The following NTRK2 variants were observed in gnomAD, a reference collection of about 807,000 sequenced individuals.
NTRK2 encodes the protein neurotrophic receptor tyrosine kinase 2.
In NTRK2, 13 loss-of-function variants were observed where a neutral mutation model predicts 94.5. The ratio of observed to expected loss-of-function variants is 0.14; its 90% CI spans 0.09 to 0.22. The LOEUF (loss-of-function observed/expected upper bound fraction) is 0.22, where lower values mean the gene tolerates loss of function less well. NTRK2 is among the 10% of genes least tolerant of loss of function. The probability of loss-of-function intolerance (pLI) is 1.00; values close to 1 mark genes in which losing one functional copy is unlikely to be tolerated. For synonymous variants in NTRK2, 372 were observed against 407.4 expected (o/e 0.91, Z 1.05); for missense variants, 639 against 1,071.2 (o/e 0.60, Z 5.63).
chr9:84,699,506 C>T (rs2060589122), intron 2 of NTRK2, among the ~76,000 whole-genome samples: 2 of 152,140 alleles, frequency 1.3e-5, no homozygotes, highest in Admixed American at 1.3e-4. Context: ...AGCAAAATTT[C>T]CTGTCTGGTC....
At chr9:84,876,765 C>G in intron 14 of NTRK2, 1 of 1,061,298 alleles carries the variant, frequency 9.4e-7, no homozygotes, top group Non-Finnish European at 1.1e-6. Context: ...AAACAATTAT[C>G]AATACATGTA....
chr9:84,768,656 C>T (rs17327132), intron 12 of NTRK2, among the ~76,000 whole-genome samples: 3,945 of 152,172 alleles, frequency 0.026, 75 homozygotes, highest in Admixed American at 0.046. Flanking sequence ...TTTGTTTTGA[C>T]GTATCTGGTT....
rs55923826 is a variant in NTRK2, at chr9:84,821,815, T to TAGAGAGAG, written c.1397-39195_1397-39188dup. Reference sequence around the variant, plus strand: ...CCCTCTTAGCAGAGAGGGAGAGAAGTAGAGAGAGAGAGAGAGAGAGAGAGA... The same window carrying TAGAGAGAG: ...CCCTCTTAGCAGAGAGGGAGAGAAGTAGAGAGAGAGAGAGAGAGAGAGAGAGAGAGAGA... On this transcript the variant is annotated intron_variant, in intron 12 of 18. Transcript: ENST00000277120. Among the ~76,000 whole-genome samples, 639 of 147,446 alleles carry TAGAGAGAG rather than the reference T, an allele frequency of 4.3e-3. 7 individuals carry two copies. Among genetic ancestry groups the TAGAGAGAG allele is most frequent in the Admixed American group, 0.01 (154 of 14,830 alleles).
intron 12 of NTRK2, among the ~76,000 whole-genome samples, chr9:84,810,019 T>C (rs2071592591): frequency 6.6e-6 from 1 of 152,172 alleles, no homozygotes; most frequent in Non-Finnish European, 1.5e-5. Context: ...AAAGATTTGC[T>C]AAAATTAGCT....
At chr9:84,737,335 AG>A (rs1289777262) in intron 9 of NTRK2, among the ~76,000 whole-genome samples, 29 of 152,208 alleles carry the variant, frequency 1.9e-4, no homozygotes, top group African/African-American at 7.0e-4. Context: ...AATGTCATAA[AG>A]ATGTTTTCTC....
intron 15 of NTRK2, among the ~76,000 whole-genome samples, chr9:84,943,600 C>A (rs1447060233): frequency 6.6e-6 from 1 of 152,098 alleles, no homozygotes; most frequent in Admixed American, 6.5e-5. Flanking sequence ...AAGAAAATAG[C>A]AATGCTCAGT....
At chr9:84,712,922 T>C (rs748106053) in intron 6 of NTRK2, among the ~76,000 whole-genome samples, 1 of 152,160 alleles carries the variant, frequency 6.6e-6, no homozygotes, top group Non-Finnish European at 1.5e-5. Flanking sequence ...TGCAAAAATG[T>C]TTCAGCAAGC....
At chr9:84,807,296 A>G (rs2071235411) in intron 12 of NTRK2, among the ~76,000 whole-genome samples, 1 of 152,210 alleles carries the variant, frequency 6.6e-6, no homozygotes, top group Non-Finnish European at 1.5e-5. Flanking sequence ...GCTGACCTTC[A>G]ACTCCCTTCC....
In NTRK2 at chr9:84,675,324, C is replaced by CTTTTTTTTTTTTTTTTT. The variant is rs536445167; in HGVS notation, c.212+4375_212+4391dup. ...CTCTTCTCCTTTCTTTCTTTCTTTC[C>CTTTTTTTTTTTTTTTTT]TTTTTTTTTTTTTTTTTTTTTTTTT... is the stretch of plus-strand genomic sequence containing the variant. On this transcript the variant is annotated intron_variant, in intron 2 of 18. Transcript: ENST00000277120. Among the ~76,000 whole-genome samples the CTTTTTTTTTTTTTTTTT allele has an allele frequency of 5.8e-4, 39 of 67,322 alleles. 3 individuals are homozygous for CTTTTTTTTTTTTTTTTT. Among genetic ancestry groups the CTTTTTTTTTTTTTTTTT allele is most frequent in the African/African-American group, 5.4e-4 (9 of 16,514 alleles). The allele number at this position is 67,322 out of a possible 152,430, so 44.2% of individuals were successfully genotyped here.
Position 84,710,667 on chromosome 9 carries a change from C to T in NTRK2, c.459C>T (p.Ser153=). The change falls in exon 6 of 19, where the codon TCC becomes TCT. Residue 153 remains serine (S), a synonymous_variant. Transcript: ENST00000277120. ...LILVGNPFTC[S]CDIMWIKTLQ... Reference sequence around the variant, plus strand: ...TGGTGGGCAATCCATTTACATGCTCCTGTGACATTATGTGGATCAAGACTC... The same window carrying T: ...TGGTGGGCAATCCATTTACATGCTCTTGTGACATTATGTGGATCAAGACTC... 2 of 1,614,134 alleles carry T rather than the reference C, an allele frequency of 1.2e-6. No individual in the cohort carries two copies. Among genetic ancestry groups the T allele is most frequent in the Non-Finnish European group, 1.7e-6 (2 of 1,180,014 alleles).
chr9:84,784,800 A>T (rs929788608), intron 12 of NTRK2, among the ~76,000 whole-genome samples: 7 of 152,208 alleles, frequency 4.6e-5, no homozygotes, highest in Non-Finnish European at 7.3e-5. Context: ...TATGATGACA[A>T]AAGTGTCTAA....
intron 2 of NTRK2, among the ~76,000 whole-genome samples, chr9:84,679,089 G>A (rs927103833): frequency 1.3e-5 from 2 of 152,178 alleles, no homozygotes; most frequent in South Asian, 2.1e-4. Context: ...TGAGGAATGG[G>A]CCCTCACCAG....
At chr9:84,869,697 C>T (rs1339595309) in intron 14 of NTRK2, among the ~76,000 whole-genome samples, 4 of 152,006 alleles carry the variant, frequency 2.6e-5, no homozygotes, top group Admixed American at 1.3e-4. Context: ...TCTGTTGAAC[C>T]ATTCCTTCAT....
chr9:84,865,830 ATC>A (rs2075566675), intron 13 of NTRK2, among the ~76,000 whole-genome samples: 1 of 152,124 alleles, frequency 6.6e-6, no homozygotes, highest in Admixed American at 6.5e-5. Flanking sequence ...TGTAATACAT[ATC>A]TTGTGCACCT....
At chr9:84,679,255 C>T (rs185750956) in intron 2 of NTRK2, among the ~76,000 whole-genome samples, 2 of 152,330 alleles carry the variant, frequency 1.3e-5, no homozygotes, top group African/African-American at 2.4e-5. Context: ...CTTTGCAACT[C>T]TTCAGCCTCT....
chr9:84,876,543 C>T, intron 14 of NTRK2: 1 of 1,055,992 alleles, frequency 9.5e-7, no homozygotes, highest in South Asian at 4.6e-5. Context: ...TTCTTACCTT[C>T]TATTAATAGA....
intron 14 of NTRK2, chr9:84,871,653 G>C: frequency 1.3e-6 from 1 of 794,280 alleles, no homozygotes; most frequent in East Asian, 2.4e-5. Context: ...CTTGAAGTAT[G>C]TTTTCACTAT....
rs144271145 is a variant in NTRK2, at chr9:84,894,075, G to A, written c.1633+26644G>A. Among the ~76,000 whole-genome samples, 672 of 151,526 alleles carry A rather than the reference G, an allele frequency of 4.4e-3. 1 individual carries two copies. The highest frequency in any genetic ancestry group is 8.3e-3 in the Non-Finnish European group (563 of 67,990). On this transcript the variant is annotated intron_variant, in intron 14 of 18. Transcript: ENST00000277120. ...AAGTCTGGGTCTCTCAGTGTTATTTGGCTAAATGAAAAGTCTAACAGGTGC... is the reference window on the plus strand; with the variant it reads ...AAGTCTGGGTCTCTCAGTGTTATTTAGCTAAATGAAAAGTCTAACAGGTGC...
intron 17 of NTRK2, among the ~76,000 whole-genome samples, chr9:84,981,387 C>A (rs748182261): frequency 3.9e-5 from 6 of 152,086 alleles, no homozygotes; most frequent in Non-Finnish European, 5.9e-5. Flanking sequence ...CAGGTGTGAG[C>A]CACCACACCT....
Sources: gnomAD v4.1 joint callset for allele counts (sites outside exome capture counted in the v4.1 genomes callset) on GRCh38, gnomAD v4.1.1 for gene constraint, MANE v1.5 for transcripts, NCBI Gene and HGNC (gene_info 2026-07-23, HGNC 2026-07-21) for gene names.